Variants in TMTC1 observed in about 807,000 individuals in gnomAD.
The protein encoded by TMTC1 is transmembrane O-mannosyltransferase targeting cadherins 1, also known as protein O-mannosyl-transferase TMTC1.
A neutral mutation model predicts 104.8 loss-of-function variants in TMTC1; 73 were observed. That is an observed-to-expected ratio of 0.70 (90% CI 0.58 to 0.85). TMTC1 has a LOEUF of 0.85. Among genes scored for constraint, TMTC1 ranks in the 40% least tolerant of loss-of-function variants. The pLI, the probability that TMTC1 is intolerant of heterozygous loss-of-function variation, is 0.00. For missense variants in TMTC1, 1,035 were observed against 1,096.1 expected (o/e 0.94, Z 0.79); for synonymous variants, 434 against 428.7 (o/e 1.01, Z -0.15).
At chr12:29,540,513 A>T (rs12817852) in intron 10 of TMTC1, among the ~76,000 whole-genome samples, 1 of 152,156 alleles carries the variant, frequency 6.6e-6, no homozygotes, top group South Asian at 2.1e-4. Context: ...TTGAGGCCAC[A>T]CTTGGCATTT....
intron 5 of TMTC1, among the ~76,000 whole-genome samples, chr12:29,640,041 C>A: frequency 6.6e-6 from 1 of 152,200 alleles, no homozygotes; most frequent in East Asian, 1.9e-4. Context: ...CCCCATGGGG[C>A]ATTCCGGGGC....
intron 5 of TMTC1, among the ~76,000 whole-genome samples, chr12:29,730,428 T>C (rs1170532677): frequency 6.6e-6 from 1 of 152,216 alleles, no homozygotes; most frequent in Non-Finnish European, 1.5e-5. Context: ...GTTTGGGCTT[T>C]GCAAGGTCAT....
chr12:29,632,017 T>C (rs1938324402), intron 6 of TMTC1, among the ~76,000 whole-genome samples: 1 of 152,240 alleles, frequency 6.6e-6, no homozygotes, highest in Admixed American at 6.5e-5. Context: ...TAATTTTGCT[T>C]GTGCATATGT....
intron 11 of TMTC1, among the ~76,000 whole-genome samples, chr12:29,526,550 C>A (rs1385355819): frequency 2.6e-5 from 4 of 152,176 alleles, no homozygotes; most frequent in Admixed American, 2.6e-4. Context: ...ATAACCCAGT[C>A]AGTCTCTTCA....
At chr12:29,637,818 C>A (rs1440041362) in intron 5 of TMTC1, among the ~76,000 whole-genome samples, 1 of 152,210 alleles carries the variant, frequency 6.6e-6, no homozygotes, top group African/African-American at 2.4e-5. Flanking sequence ...ATGAAAAAAT[C>A]AGGTACTGCA....
intron 15 of TMTC1, 113 bp from the exon 16 acceptor site, chr12:29,514,717 A>ACAAT (rs2136141560): frequency 1.7e-6 from 2 of 1,185,218 alleles, no homozygotes; most frequent in East Asian, 5.0e-5. Flanking sequence ...ATGGTATGTG[A>ACAAT]CAATCAAAGT....
chr12:29,781,123 T>TGCAGTTTC lies in TMTC1; in HGVS notation c.302+2326_302+2327insGAAACTGC, dbSNP rs71045839. Among the ~76,000 whole-genome samples, 20 of 151,980 alleles carry TGCAGTTTC rather than the reference T, an allele frequency of 1.3e-4. No individual in the cohort carries two copies. The East Asian group carries it at 3.7e-3, about 28-fold the overall frequency. On this transcript the variant is annotated intron_variant, in intron 1 of 17. Coordinates refer to ENST00000539277, the MANE Select transcript of TMTC1 (RefSeq NM_001193451.2). Reference sequence around the variant, plus strand: ...ACTGATATCCTCCAGCTTCATGCTATACCTCAGGTGAATATAAAGAAAACT... The same window carrying TGCAGTTTC: ...ACTGATATCCTCCAGCTTCATGCTATGCAGTTTCACCTCAGGTGAATATAAAGAAAACT...
rs1465348312 is a variant in TMTC1, at chr12:29,504,959, A to G, written c.*1887T>C. 2.6e-5 allele frequency: 4 copies of G among 152,186 alleles called. No homozygotes were observed. The highest frequency in any genetic ancestry group is 4.4e-5 in the Non-Finnish European group (3 of 68,032). 9.4% of individuals were successfully genotyped at this position (152,186 alleles called of 1,614,324 possible). On this transcript the variant is annotated 3_prime_UTR_variant, in exon 18 of 18. Coordinates refer to ENST00000539277, the MANE Select transcript of TMTC1 (RefSeq NM_001193451.2). ...ACACTAGGACTATGATTTTGGGGGA[A>G]GAATAGTTCTTAATTAAGGTTGTGG...
intron 1 of TMTC1, among the ~76,000 whole-genome samples, chr12:29,769,951 T>C (rs1225491412): frequency 6.6e-6 from 1 of 151,888 alleles, no homozygotes; most frequent in Non-Finnish European, 1.5e-5. Context: ...AATACATACA[T>C]ATGTACATAT....
At chr12:29,620,334 T>TC (rs1321774608) in intron 6 of TMTC1, among the ~76,000 whole-genome samples, 2 of 151,720 alleles carry the variant, frequency 1.3e-5, no homozygotes, top group African/African-American at 2.4e-5. Flanking sequence ...CAGCCTTCCC[T>TC]CCCCCCAGCC....
intron 8 of TMTC1, among the ~76,000 whole-genome samples, chr12:29,577,152 T>C (rs1185881283): frequency 1.3e-5 from 2 of 152,152 alleles, no homozygotes; most frequent in African/African-American, 2.4e-5. Context: ...TAATTTTTTT[T>C]CTTTTTTAGC....
intron 17 of TMTC1, among the ~76,000 whole-genome samples, chr12:29,508,624 A>T (rs1943753241): frequency 1.3e-5 from 2 of 152,102 alleles, no homozygotes; most frequent in Admixed American, 6.5e-5. Context: ...CCCAGGCTGG[A>T]GTGCAGTGGT....
chr12:29,645,654 T>G (rs1347801151), intron 5 of TMTC1, among the ~76,000 whole-genome samples: 1 of 152,216 alleles, frequency 6.6e-6, no homozygotes, highest in Non-Finnish European at 1.5e-5. Flanking sequence ...GCCTAAGGTA[T>G]CTTTCTCGCT....
intron 10 of TMTC1, among the ~76,000 whole-genome samples, chr12:29,539,266 C>T (rs886246411): frequency 1.3e-5 from 2 of 151,772 alleles, no homozygotes; most frequent in Admixed American, 1.3e-4. Context: ...ATCCCTTTTT[C>T]ATATCTGTAT....
At chr12:29,733,704 C>CT (rs1418999412) in intron 5 of TMTC1, among the ~76,000 whole-genome samples, 1 of 152,164 alleles carries the variant, frequency 6.6e-6, no homozygotes, top group African/African-American at 2.4e-5. Flanking sequence ...GTCAGGTTGG[C>CT]TTTATGCCTC....
intron 5 of TMTC1, among the ~76,000 whole-genome samples, chr12:29,720,967 A>C (rs2136880388): frequency 6.6e-6 from 1 of 152,344 alleles, no homozygotes; most frequent in South Asian, 2.1e-4. Context: ...TGAAGCCAAG[A>C]ATGGAAGCTA....
rs938962767 is a variant in TMTC1 at position 29,503,543 on chromosome 12, G to A, written c.*3303C>T. ...AACTGATTCTAGGCACAAAAAAAAG[G>A]AGAGGTTAGATGGACTGGAAAAAGA... On this transcript the variant is annotated 3_prime_UTR_variant, in exon 18 of 18. Coordinates refer to ENST00000539277, the MANE Select transcript of TMTC1 (RefSeq NM_001193451.2). 1 of 152,082 alleles carries A rather than the reference G, an allele frequency of 6.6e-6. No homozygotes were observed. The highest frequency in any genetic ancestry group is 6.5e-5 in the Admixed American group (1 of 15,272). 9.4% of individuals were successfully genotyped at this position (152,082 alleles called of 1,614,324 possible). A position where few individuals can be genotyped will look rare whatever the true frequency, so the allele number is the denominator to read the frequency against.
At chr12:29,510,077 C>T (rs967584848) in intron 17 of TMTC1, among the ~76,000 whole-genome samples, 3 of 152,128 alleles carry the variant, frequency 2.0e-5, no homozygotes, top group African/African-American at 7.2e-5. Flanking sequence ...CTGAGAAAGG[C>T]GTCATTAGGT....
chr12:29,668,257 T>C (rs1940360457), intron 5 of TMTC1, among the ~76,000 whole-genome samples: 1 of 152,104 alleles, frequency 6.6e-6, no homozygotes, highest in Non-Finnish European at 1.5e-5. Flanking sequence ...GGAGGCCTGG[T>C]GAAGGCCTTC....
Sources: allele counts gnomAD v4.1 joint callset (sites outside exome capture counted in the v4.1 genomes callset), GRCh38; gene constraint gnomAD v4.1.1; transcripts MANE v1.5; gene names NCBI Gene and HGNC (gene_info 2026-07-23, HGNC 2026-07-21).